EPHA4: variants seen among roughly 807,000 people sequenced by gnomAD.
The protein encoded by EPHA4 is ephrin type-A receptor 4.
Under a neutral mutation model 108.3 loss-of-function variants are expected in EPHA4, and 19 were observed. The observed-to-expected ratio is 0.18, with a 90% confidence interval of 0.12 to 0.26. The LOEUF (loss-of-function observed/expected upper bound fraction) is 0.26. EPHA4 is among the 10% of genes least tolerant of loss of function. The probability of loss-of-function intolerance (pLI) is 1.00; values close to 1 mark genes in which losing one functional copy is unlikely to be tolerated. For missense variants in EPHA4, 917 were observed against 1,254.0 expected, an observed-to-expected ratio of 0.73 and a Z score of 4.06; for synonymous variants, 449 against 455.5, an observed-to-expected ratio of 0.99 and a Z score of 0.18.
intron 3 of EPHA4, among the ~76,000 whole-genome samples, chr2:221,537,028 G>C (rs564224264): frequency 6.6e-6 from 1 of 152,222 alleles, no homozygotes; most frequent in Non-Finnish European, 1.5e-5. Flanking sequence ...AAAACAAAGA[G>C]AGAGAGAGAA....
chr2:221,553,906 A>C (rs1445348723), intron 3 of EPHA4, among the ~76,000 whole-genome samples: 1 of 152,244 alleles, frequency 6.6e-6, no homozygotes, highest in Non-Finnish European at 1.5e-5. Flanking sequence ...TTATCTGGGT[A>C]ATTAAGAAAC....
chr2:221,460,512 A>C (rs1407452943), intron 5 of EPHA4, among the ~76,000 whole-genome samples: 2 of 152,212 alleles, frequency 1.3e-5, no homozygotes, highest in Non-Finnish European at 2.9e-5. Flanking sequence ...CAAGCAATCC[A>C]TGACCAAGTG....
chr2:221,468,347 T>C (rs1471925521), intron 5 of EPHA4, among the ~76,000 whole-genome samples: 1 of 152,208 alleles, frequency 6.6e-6, no homozygotes, highest in Non-Finnish European at 1.5e-5. Flanking sequence ...TCATTTTTAC[T>C]GAGCAGAATA....
At chr2:221,431,684 T>C (rs1231123849) in intron 14 of EPHA4, among the ~76,000 whole-genome samples, 1 of 152,202 alleles carries the variant, frequency 6.6e-6, no homozygotes, top group Admixed American at 6.5e-5. Context: ...TTGCACTGAA[T>C]TGAGGAGAAT....
chr2:221,425,456 T>C lies in EPHA4; in HGVS notation c.*572A>G, dbSNP rs1245526341. 1 of 152,822 alleles carries C rather than the reference T, an allele frequency of 6.5e-6. No homozygotes were observed. The highest frequency in any genetic ancestry group is 1.5e-5 in the Non-Finnish European group (1 of 68,334). 9.5% of individuals were successfully genotyped at this position (152,822 alleles called of 1,614,324 possible). Reference sequence around the variant, plus strand: ...CTTTCTTTCCAGGCCCCCTGTGTCATAGGAATCCACCAGGCGGCTTGAGCA... The same window carrying C: ...CTTTCTTTCCAGGCCCCCTGTGTCACAGGAATCCACCAGGCGGCTTGAGCA... On this transcript the variant is annotated 3_prime_UTR_variant, in exon 17 of 18. Coordinates refer to ENST00000281821, the MANE Select transcript of EPHA4 (RefSeq NM_004438.5).
At chr2:221,506,080 T>C (rs1392148130) in intron 3 of EPHA4, among the ~76,000 whole-genome samples, 2 of 151,830 alleles carry the variant, frequency 1.3e-5, no homozygotes, top group African/African-American at 2.4e-5. Flanking sequence ...CCATACAATA[T>C]TTGGCAAAGA....
chr2:221,549,700 G>A (rs529878716), intron 3 of EPHA4, among the ~76,000 whole-genome samples: 65 of 152,316 alleles, frequency 4.3e-4, no homozygotes, highest in African/African-American at 1.6e-3. Context: ...GCCCAAAGCC[G>A]GGCGCAGTGG....
chr2:221,568,905 A>G, intron 1 of EPHA4, 120 bp from the exon 2 acceptor site: 1 of 635,110 alleles, frequency 1.6e-6, no homozygotes, highest in Admixed American at 3.3e-5. Flanking sequence ...ACTGATCAAA[A>G]CCTAAACTTG....
At chr2:221,446,025 T>A in intron 9 of EPHA4, 98 bp downstream of exon 9, 1 of 612,464 alleles carries the variant, frequency 1.6e-6, no homozygotes, top group Non-Finnish European at 2.6e-6. Flanking sequence ...TTATATTATA[T>A]AACATTAATA....
At chr2:221,473,552 GAAAAA>G (rs772366510) in intron 5 of EPHA4, among the ~76,000 whole-genome samples, 5 of 109,688 alleles carry the variant, frequency 4.6e-5, no homozygotes, top group Non-Finnish European at 3.5e-5. Flanking sequence ...GTGTTTAAAG[GAAAAA>G]AAAAAAAAAA....
In EPHA4 at chr2:221,437,052, G is replaced by A; in HGVS notation, c.2136+9C>T. The A allele has an allele frequency of 6.3e-7, 1 of 1,598,270 alleles. No individual in the cohort carries two copies. The highest frequency in any genetic ancestry group is 1.1e-5 in the South Asian group (1 of 90,756). ...ACATTCTTGGGTTTAATATAAAGTA[G>A]TCACATACCCTGAGGAATGCATCCA... On this transcript the variant is annotated intron_variant, in intron 12 of 17. Transcript: ENST00000281821.
intron 3 of EPHA4, among the ~76,000 whole-genome samples, chr2:221,533,457 C>T (rs1407677697): frequency 1.3e-5 from 2 of 151,834 alleles, no homozygotes; most frequent in East Asian, 1.9e-4. Flanking sequence ...GCTGATGACT[C>T]GGAGGGAGGA....
intron 6 of EPHA4, among the ~76,000 whole-genome samples, chr2:221,457,150 T>C (rs1690982988): frequency 6.6e-6 from 1 of 152,158 alleles, no homozygotes; most frequent in South Asian, 2.1e-4. Context: ...AAATGTAAAA[T>C]GTGTTGTAAC....
intron 2 of EPHA4, among the ~76,000 whole-genome samples, chr2:221,568,325 T>TC (rs1367731521): frequency 1.3e-5 from 2 of 151,812 alleles, no homozygotes. Context: ...CTTTATTTAT[T>TC]CTTTTTTTTT....
chr2:221,444,792 G>C (rs1320582038), intron 9 of EPHA4, among the ~76,000 whole-genome samples: 1 of 118,076 alleles, frequency 8.5e-6, no homozygotes, highest in Non-Finnish European at 1.6e-5. Flanking sequence ...GAGTCTGGCT[G>C]TGTCGCTCAG....
intron 3 of EPHA4, among the ~76,000 whole-genome samples, chr2:221,527,950 A>C (rs770331401): frequency 6.6e-6 from 1 of 152,252 alleles, no homozygotes; most frequent in South Asian, 2.1e-4. Flanking sequence ...ATGAGCAGAG[A>C]CAAAGACATT....
intron 16 of EPHA4, 144 bp from the exon 17 acceptor site, chr2:221,426,286 C>A: frequency 9.9e-7 from 1 of 1,006,216 alleles, no homozygotes; most frequent in South Asian, 1.6e-5. Context: ...TTTCATTAAG[C>A]AATTTAATGC....
In EPHA4 at chr2:221,571,816, G is replaced by A. The variant is rs1694846378; in HGVS notation, c.91+342C>T. Among the ~76,000 whole-genome samples, 1 of 152,194 alleles carries A rather than the reference G, an allele frequency of 6.6e-6. No homozygotes were observed. The highest frequency in any genetic ancestry group is 2.1e-4 in the South Asian group (1 of 4,834). ...GCCCCGGGCTGGCTCAGGAGAGGAC[G>A]TGGTTCTTGTAATTTTTTTTTTAAA... On this transcript the variant is annotated intron_variant, in intron 1 of 17. Coordinates refer to ENST00000281821, the MANE Select transcript of EPHA4 (RefSeq NM_004438.5). The surrounding 1 kb of genome is among the most constrained non-coding windows in gnomAD (Gnocchi z 6.3).
At chr2:221,492,051 GA>G (rs1240050607) in intron 4 of EPHA4, among the ~76,000 whole-genome samples, 4 of 152,070 alleles carry the variant, frequency 2.6e-5, no homozygotes, top group Non-Finnish European at 4.4e-5. Context: ...GGGGATCTCA[GA>G]AAAATGTGTA....
Sources: allele counts gnomAD v4.1 joint callset (sites outside exome capture counted in the v4.1 genomes callset), GRCh38; gene constraint gnomAD v4.1.1; non-coding constraint Gnocchi (gnomAD v3.1); transcripts MANE v1.5; gene names NCBI Gene and HGNC (gene_info 2026-07-23, HGNC 2026-07-21).